Variants in CAPN15 observed in about 807,000 individuals in gnomAD.
CAPN15 encodes calpain-15.
Under a neutral mutation model 97.9 loss-of-function variants are expected in CAPN15, and 53 were observed. That is an observed-to-expected ratio of 0.54 (90% CI 0.43 to 0.68). CAPN15 has a LOEUF of 0.68. Among genes scored for constraint, CAPN15 ranks in the 30% least tolerant of loss-of-function variants. CAPN15 has a pLI of 0.00. For missense variants in CAPN15, 1,592 were observed against 1,589.8 expected (o/e 1.00, Z -0.02); for synonymous variants, 922 against 722.5 (o/e 1.28, Z -4.43).
chr16:529,058 T>C (rs2141937975), intron 1 of CAPN15, among the ~76,000 whole-genome samples: 1 of 152,292 alleles, frequency 6.6e-6, no homozygotes, highest in South Asian at 2.1e-4. Flanking sequence ...AGGCAGGTCC[T>C]GCAGGAAACC....
In CAPN15 at chr16:547,122, G is replaced by T. The variant is rs1416235993; in HGVS notation, c.284G>T (p.Gly95Val). 9 of 1,567,600 alleles carry T rather than the reference G, an allele frequency of 5.7e-6. No homozygotes were observed. In the African/African-American group the frequency reaches 1.1e-4, roughly 19 times the overall value. Residue 95 changes from glycine (G) to valine (V), a missense_variant, in exon 4 of 14, where the codon GGG (glycine) becomes GTG (valine). Transcript: ENST00000219611. ...CTCCCCAAGCCACCCGCCATCCTGG[G>T]GGAGCCCAAGGGCAGCTGCCAGGAG... is the stretch of plus-strand genomic sequence containing the variant. ...GVLPKPPAIL[G>V]EPKGSCQEEA...
At chr16:545,867 G>T (rs767230552) in intron 3 of CAPN15, among the ~76,000 whole-genome samples, 2 of 152,354 alleles carry the variant, frequency 1.3e-5, no homozygotes, top group Admixed American at 1.3e-4. Flanking sequence ...GGGCTGTGCC[G>T]CCTCGGCAGC....
At position 546,879 on chromosome 16, in the gene CAPN15, T is replaced by G; in HGVS notation, c.41T>G (p.Phe14Cys). ...GAGTGGTCCTGTGTGCGCTGCACCT[T>G]CCTGAACCCGGCCGGCCAGCGCCAG... is the stretch of plus-strand genomic sequence containing the variant. ...VGEWSCVRCT[F>C]LNPAGQRQCS... is the part of the protein sequence containing the mutation. The change falls in exon 4 of 14, where the codon TTC becomes TGC. Residue 14 changes from phenylalanine (F) to cysteine (C), a missense_variant. Phe to Cys is a radical substitution (Grantham distance 205). Around this residue, in one of 3 missense-constraint regions of CAPN15, gnomAD observed 883 missense variants for 776.6 expected, o/e 1.14. Coordinates refer to ENST00000219611, the MANE Select transcript of CAPN15 (RefSeq NM_005632.3). The G allele has an allele frequency of 1.2e-6, 2 of 1,611,636 alleles. No individual in the cohort carries two copies. The highest frequency in any genetic ancestry group is 1.7e-6 in the Non-Finnish European group (2 of 1,179,676).
At position 546,989 on chromosome 16, in the gene CAPN15, G is replaced by T. The variant is rs369295076; in HGVS notation, c.151G>T (p.Ala51Ser). Residue 51 changes from alanine (A) to serine (S), a missense_variant, in exon 4 of 14, where the codon GCC becomes TCC. Coordinates refer to ENST00000219611, the MANE Select transcript of CAPN15 (RefSeq NM_005632.3). ...LSVEEQKWPC[A>S]RCTFRNFLGK... ...CGTGGAGGAGCAGAAATGGCCCTGC[G>T]CCCGCTGCACCTTCCGCAACTTCCT... 5 of 1,610,076 alleles carry T rather than the reference G, an allele frequency of 3.1e-6. No individual in the cohort carries two copies. The East Asian group carries it at 6.7e-5, about 22-fold the overall frequency.
In CAPN15 at chr16:552,136, G is replaced by T; in HGVS notation, c.2431G>T (p.Ala811Ser). ...VQGCFPSSAS[A>S]PVGVTALTVL... The stretch of plus-strand genomic sequence containing the variant: ...GGGCTGCTTTCCCAGCTCGGCCAGC[G>T]CGCCCGTGGGGGTAACAGCGCTCAC... Residue 811 changes from alanine (A) to serine (S), a missense_variant, in exon 10 of 14, where the codon GCG (alanine) becomes TCG (serine). Physicochemically the swap from Ala to Ser is moderately conservative, Grantham distance 99 (BLOSUM62 1). Transcript: ENST00000219611. This position sits in a 1 kb window ranked among gnomAD's most constrained non-coding sequence, Gnocchi z 6.4. The T allele has an allele frequency of 6.5e-7, 1 of 1,547,960 alleles. No individual in the cohort carries two copies.
intron 7 of CAPN15, among the ~76,000 whole-genome samples, chr16:550,689 G>C (rs1189984074): frequency 1.4e-5 from 2 of 147,122 alleles, no homozygotes; most frequent in African/African-American, 5.0e-5. Context: ...CCCCCAGTCG[G>C]TGAGGGTCCC....
At chr16:548,404 T>G in intron 4 of CAPN15, 117 bp downstream of exon 4, 1 of 1,068,472 alleles carries the variant, frequency 9.4e-7, no homozygotes, top group Non-Finnish European at 1.3e-6. Context: ...TAAGACGTGA[T>G]GGGGAGGGCA....
chr16:531,446 C>A (rs1040094031), intron 1 of CAPN15, among the ~76,000 whole-genome samples: 4 of 152,202 alleles, frequency 2.6e-5, no homozygotes, highest in African/African-American at 9.6e-5. Flanking sequence ...CCCTACCCCC[C>A]ACCTCCCTGT....
At chr16:534,193 T>A (rs2033498864) in intron 2 of CAPN15, among the ~76,000 whole-genome samples, 195 bp downstream of exon 2, 1 of 152,390 alleles carries the variant, frequency 6.6e-6, no homozygotes, top group African/African-American at 2.4e-5. Flanking sequence ...CGTGGTCCTG[T>A]CGTGGGAGGC....
chr16:547,016 G>A lies in CAPN15; in HGVS notation c.178G>A (p.Gly60Ser), dbSNP rs1451074248. 6.2e-7 allele frequency: 1 copy of A among 1,609,990 alleles called. No individual in the cohort carries two copies. Residue 60 changes from glycine to serine, a missense_variant, in exon 4 of 14, where the codon GGC becomes AGC. This residue lies in a region of CAPN15 where 883 missense variants were observed against 776.6 expected (regional missense o/e 1.14). Transcript: ENST00000219611. ...CARCTFRNFL[G>S]KEACEVCGFT... ...CCGCTGCACCTTCCGCAACTTCCTG[G>A]GCAAGGAGGCCTGCGAGGTGTGCGG...
At chr16:550,629 C>T (rs2142059315) in intron 7 of CAPN15, among the ~76,000 whole-genome samples, 1 of 148,862 alleles carries the variant, frequency 6.7e-6, no homozygotes, top group East Asian at 2.0e-4. Flanking sequence ...TTAGTGAGAC[C>T]CCCTGTCAGT....
At chr16:540,303 A>G (rs2034025487) in intron 3 of CAPN15, 1 of 985,392 alleles carries the variant, frequency 1.0e-6, no homozygotes, top group Non-Finnish European at 1.2e-6. Context: ...GGAGCGGCCC[A>G]GGGGGGCCCG....
chr16:544,539 C>T (rs1026343365), intron 3 of CAPN15, among the ~76,000 whole-genome samples: 19 of 152,116 alleles, frequency 1.2e-4, no homozygotes, highest in African/African-American at 3.9e-4. Flanking sequence ...TTGCACGCAG[C>T]GAGCGGCTTC....
chr16:540,032 C>G, intron 3 of CAPN15: 1 of 954,740 alleles, frequency 1.0e-6, no homozygotes, highest in Non-Finnish European at 1.2e-6. Context: ...GTGAATCATG[C>G]TGTTTCTTCT....
intron 1 of CAPN15, chr16:528,868 G>A: frequency 1.6e-6 from 1 of 625,030 alleles, no homozygotes; most frequent in Non-Finnish European, 2.0e-6. Flanking sequence ...CCTCTGCCCA[G>A]GTCTGAGGGG....
intron 3 of CAPN15, chr16:537,637 A>C (rs1404925792): frequency 8.6e-5 from 15 of 173,500 alleles, no homozygotes; most frequent in Non-Finnish European, 1.4e-4. Context: ...GGGTTTGGCT[A>C]CAGAAGGGGA....
In CAPN15 at chr16:547,193, G is replaced by T; in HGVS notation, c.355G>T (p.Ala119Ser). The change falls in exon 4 of 14, where the codon GCC becomes TCC. Residue 119 changes from alanine (A) to serine (S), a missense_variant. Ala to Ser is a moderately conservative substitution (Grantham distance 99). Transcript: ENST00000219611. ...RTAGLVATEP[A>S]RGQCEDKDEE... ...TGCGGGGCTGGTGGCCACGGAGCCCGCCAGGGGGCAGTGCGAGGACAAGGA... is the reference window on the plus strand; with the variant it reads ...TGCGGGGCTGGTGGCCACGGAGCCCTCCAGGGGGCAGTGCGAGGACAAGGA... The T allele has an allele frequency of 6.5e-7, 1 of 1,533,076 alleles. No homozygotes were observed. 95.0% of individuals were successfully genotyped at this position (1,533,076 alleles called of 1,614,324 possible).
At position 549,405 on chromosome 16, in the gene CAPN15, G is replaced by A. The variant is rs145830368; in HGVS notation, c.1776G>A (p.Thr592=). Residue 592 remains threonine (T), a synonymous_variant, in exon 6 of 14, where the codon ACG becomes ACA. Transcript: ENST00000219611. ...AYQVRLCKDG[T]WTTVLVDDML... is the part of the protein sequence containing the mutation. ...AGGTGCGGCTGTGCAAGGACGGCAC[G>A]TGGACCACGGTGCTGGTGGACGACA... The A allele has an allele frequency of 1.6e-5, 26 of 1,599,400 alleles. No individual in the cohort carries two copies. The highest frequency in any genetic ancestry group is 2.2e-5 in the East Asian group (1 of 44,808).
At chr16:542,448 G>A (rs563507079) in intron 3 of CAPN15, among the ~76,000 whole-genome samples, 1 of 152,258 alleles carries the variant, frequency 6.6e-6, no homozygotes, top group African/African-American at 2.4e-5. Flanking sequence ...TCCTGCCGTT[G>A]TCTGTCCTTG....
Sources: allele counts gnomAD v4.1 joint callset (sites outside exome capture counted in the v4.1 genomes callset), GRCh38; gene constraint gnomAD v4.1.1; regional missense constraint gnomAD v4.1.1; non-coding constraint Gnocchi (gnomAD v3.1); transcripts MANE v1.5; gene names NCBI Gene and HGNC (gene_info 2026-07-23, HGNC 2026-07-21).